The following SLC26A7 variants were observed in gnomAD, a reference collection of about 807,000 sequenced individuals.
The protein encoded by SLC26A7 is anion exchange transporter.
SLC26A7 carries 59 observed loss-of-function variants against 82.5 expected under a neutral mutation model. The ratio of observed to expected loss-of-function variants is 0.72; its 90% CI spans 0.58 to 0.89. The LOEUF (loss-of-function observed/expected upper bound fraction) is 0.89, where lower values mean the gene tolerates loss of function less well. Among genes scored for constraint, SLC26A7 ranks in the 40% least tolerant of loss-of-function variants. The pLI is 0.00. For synonymous variants in SLC26A7, 271 were observed against 274.3 expected (o/e 0.99, Z 0.12); for missense variants, 820 against 793.0 (o/e 1.03, Z -0.41).
chr8:91,238,028 C>T (rs1476730184), intron 2 of SLC26A7, among the ~76,000 whole-genome samples: 1 of 152,146 alleles, frequency 6.6e-6, no homozygotes, highest in Admixed American at 6.6e-5. Context: ...TATGTAGTCA[C>T]ATGCAAACAT....
At chr8:91,309,352 G>C (rs535697883) in intron 4 of SLC26A7, among the ~76,000 whole-genome samples, 2 of 151,178 alleles carry the variant, frequency 1.3e-5, no homozygotes, top group East Asian at 3.9e-4. Context: ...CATATACTTA[G>C]GTCTTCAACC....
chr8:91,234,825 C>CCTTCCTTCCTTCCT lies in SLC26A7; in HGVS notation c.-33-14794_-33-14793insCTTCCTTCCTTCCT, dbSNP rs1563637500. Among the ~76,000 whole-genome samples the CCTTCCTTCCTTCCT allele has an allele frequency of 5.8e-3, 498 of 86,412 alleles. 4 individuals carry two copies. Among genetic ancestry groups the CCTTCCTTCCTTCCT allele is most frequent in the African/African-American group, 0.022 (470 of 21,416 alleles). The allele number at this position is 86,412 out of a possible 152,430, so 56.7% of individuals were successfully genotyped here. A position where few individuals can be genotyped will look rare whatever the true frequency, so the allele number is the denominator to read the frequency against. On this transcript the variant is annotated intron_variant, in intron 2 of 5. Coordinates refer to the SLC26A7 transcript ENST00000522862. ...CCTACCTACCTACCTACCTACCTAC[C>CCTTCCTTCCTTCCT]TACTTCCTTCCTTCCTTCCTTCCTT... is the stretch of plus-strand genomic sequence containing the variant.
Position 91,250,173 on chromosome 8 carries a change from C to A in SLC26A7, c.193+329C>A, listed in dbSNP as rs185076349. ...TCTTATGGATATAGTTGCCTACTTT[C>A]ACTGAATCAAGCTATAAAATACTCC... On this transcript the variant is annotated intron_variant, in intron 2 of 18. Coordinates refer to ENST00000276609, the MANE Select transcript of SLC26A7 (RefSeq NM_052832.4). Among the ~76,000 whole-genome samples the A allele has an allele frequency of 2.0e-5, 3 of 152,162 alleles. No homozygotes were observed. The East Asian group carries it at 5.8e-4, about 29-fold the overall frequency.
intron 15 of SLC26A7, among the ~76,000 whole-genome samples, chr8:91,388,580 G>T (rs1814867366): frequency 1.3e-5 from 2 of 152,164 alleles, no homozygotes; most frequent in Admixed American, 1.3e-4. Context: ...GCCTACAGTG[G>T]TGGGGGAATC....
intron 1 of SLC26A7, among the ~76,000 whole-genome samples, chr8:91,215,321 A>G (rs1810023832): frequency 6.6e-6 from 1 of 152,102 alleles, no homozygotes; most frequent in Non-Finnish European, 1.5e-5. Flanking sequence ...TAATATTGAA[A>G]TCTTATCCAA....
At chr8:91,253,326 C>T (rs1810710258) in intron 2 of SLC26A7, among the ~76,000 whole-genome samples, 1 of 152,062 alleles carries the variant, frequency 6.6e-6, no homozygotes, top group Non-Finnish European at 1.5e-5. Flanking sequence ...GCCACCCTGC[C>T]CACTAGCATA....
intron 4 of SLC26A7, among the ~76,000 whole-genome samples, chr8:91,302,496 C>T (rs1249923427): frequency 6.6e-6 from 1 of 152,028 alleles, no homozygotes; most frequent in Non-Finnish European, 1.5e-5. Context: ...ACTTATACAA[C>T]CATAATAATG....
At chr8:91,216,589 A>C (rs1440465605) in intron 1 of SLC26A7, among the ~76,000 whole-genome samples, 4 of 152,140 alleles carry the variant, frequency 2.6e-5, no homozygotes, top group Non-Finnish European at 4.4e-5. Flanking sequence ...GAGATATGTT[A>C]CAGAAGTAGG....
At chr8:91,306,573 G>A (rs1470997315) in intron 4 of SLC26A7, among the ~76,000 whole-genome samples, 1 of 152,072 alleles carries the variant, frequency 6.6e-6, no homozygotes, top group East Asian at 1.9e-4. Context: ...CACAAAAATA[G>A]TACCCAGAGT....
intron 6 of SLC26A7, among the ~76,000 whole-genome samples, 171 bp downstream of exon 6, chr8:91,334,618 T>C (rs991314407): frequency 6.6e-6 from 1 of 152,184 alleles, no homozygotes; most frequent in Admixed American, 6.6e-5. Context: ...GGAAACATTT[T>C]GAGTTAATAA....
intron 4 of SLC26A7, among the ~76,000 whole-genome samples, chr8:91,311,176 C>G (rs910217287): frequency 1.3e-5 from 2 of 152,186 alleles, no homozygotes; most frequent in African/African-American, 4.8e-5. Context: ...CTTCCAGACT[C>G]TAGTCATTTT....
intron 5 of SLC26A7, among the ~76,000 whole-genome samples, chr8:91,326,443 C>A (rs900823835): frequency 6.6e-6 from 1 of 152,112 alleles, no homozygotes; most frequent in South Asian, 2.1e-4. Flanking sequence ...ATGGTGGAAC[C>A]CCTGTGCATG....
At chr8:91,278,523 C>A (rs552706169) in intron 2 of SLC26A7, among the ~76,000 whole-genome samples, 1 of 151,900 alleles carries the variant, frequency 6.6e-6, no homozygotes, top group Non-Finnish European at 1.5e-5. Context: ...AAGTATATCA[C>A]GAAATTAATG....
intron 9 of SLC26A7, among the ~76,000 whole-genome samples, chr8:91,345,985 C>A (rs1384141991): frequency 6.6e-6 from 1 of 152,152 alleles, no homozygotes; most frequent in Non-Finnish European, 1.5e-5. Flanking sequence ...AGCGCCCCTT[C>A]TCTTCTCTGT....
At chr8:91,338,520 ATGAGAG>A (rs1322561254) in intron 7 of SLC26A7, among the ~76,000 whole-genome samples, 4 of 152,168 alleles carry the variant, frequency 2.6e-5, no homozygotes, top group African/African-American at 7.2e-5. Context: ...GACTTTGCAA[ATGAGAG>A]TTATGATCTG....
intron 3 of SLC26A7, 56 bp from the exon 4 acceptor site, chr8:91,295,475 A>T: frequency 6.4e-7 from 1 of 1,558,180 alleles, no homozygotes; most frequent in Non-Finnish European, 8.7e-7. Flanking sequence ...CACAATTTTT[A>T]TTGAGCCTTT....
chr8:91,284,872 G>A lies in SLC26A7; in HGVS notation c.194-4264G>A, dbSNP rs183023433. 8.7e-4 allele frequency among the ~76,000 whole-genome samples: 132 copies of A among 152,338 alleles called. 2 individuals carry two copies. Among genetic ancestry groups the A allele is most frequent in the African/African-American group, 3.1e-3 (128 of 41,576 alleles). On this transcript the variant is annotated intron_variant, in intron 2 of 18. Transcript: ENST00000276609. ...ATTATTTAATATTTATTAAGCACAA[G>A]TGATTTGATCCTGTGCAGAAAGTGA...
At position 91,223,936 on chromosome 8, in the gene SLC26A7, C is replaced by T. The variant is rs572983640; in HGVS notation, c.-34+4931C>T. Among the ~76,000 whole-genome samples, 342 of 151,818 alleles carry T rather than the reference C, an allele frequency of 2.3e-3. 1 individual carries two copies. The highest frequency in any genetic ancestry group is 7.6e-3 in the African/African-American group (314 of 41,414). ...TTATTTCAGTAAGGTGGTCTTCAGA[C>T]TCTGATATCCTTTCTTCTGCTTGGT... is the stretch of plus-strand genomic sequence containing the variant. On this transcript the variant is annotated intron_variant, in intron 2 of 5. Coordinates refer to the SLC26A7 transcript ENST00000522862.
At chr8:91,257,932 T>C (rs1339344835) in intron 2 of SLC26A7, among the ~76,000 whole-genome samples, 1 of 152,082 alleles carries the variant, frequency 6.6e-6, no homozygotes, top group East Asian at 1.9e-4. Flanking sequence ...CTTACAATCA[T>C]GGCGGAAGGT....
Sources: gnomAD v4.1 joint callset for allele counts (sites outside exome capture counted in the v4.1 genomes callset) on GRCh38, gnomAD v4.1.1 for gene constraint, MANE v1.5 for transcripts, NCBI Gene and HGNC (gene_info 2026-07-23, HGNC 2026-07-21) for gene names.